Variants in P2RY14 observed in about 807,000 individuals in gnomAD.
The protein encoded by P2RY14 is P2Y purinoceptor 14.
Under a neutral mutation model 0.9 loss-of-function variants are expected in P2RY14, and 2 were observed. The ratio of observed to expected loss-of-function variants is 2.16; its 90% CI spans 0.88 to 6.79. P2RY14 has a LOEUF of 6.79. P2RY14 is among the 30% of genes most tolerant of loss of function. The pLI, the probability that P2RY14 is intolerant of heterozygous loss-of-function variation, is 0.05. For synonymous variants in P2RY14, 158 were observed against 147.2 expected, an observed-to-expected ratio of 1.07 and a Z score of -0.53; for missense variants, 378 against 400.1, an observed-to-expected ratio of 0.94 and a Z score of 0.47.
intron 1 of P2RY14, among the ~76,000 whole-genome samples, chr3:151,227,416 TA>T (rs1298081606): frequency 6.6e-6 from 1 of 151,584 alleles, no homozygotes; most frequent in African/African-American, 2.4e-5. Context: ...GTGAGAATGG[TA>T]AGGGGGGACG....
At chr3:151,249,825 T>G (rs947226389) in intron 1 of P2RY14, among the ~76,000 whole-genome samples, 1 of 152,190 alleles carries the variant, frequency 6.6e-6, no homozygotes, top group African/African-American at 2.4e-5. Flanking sequence ...ATGCTCTGGA[T>G]TAATACAGTC....
chr3:151,249,835 CAT>C (rs1307949758), intron 1 of P2RY14, among the ~76,000 whole-genome samples: 2 of 152,116 alleles, frequency 1.3e-5, no homozygotes, highest in South Asian at 4.1e-4. Flanking sequence ...TTAATACAGT[CAT>C]AATACATCTT....
At chr3:151,219,329 A>G (rs1728865043) in intron 2 of P2RY14, among the ~76,000 whole-genome samples, 2 of 152,228 alleles carry the variant, frequency 1.3e-5, no homozygotes, top group African/African-American at 2.4e-5. Flanking sequence ...CGTTCATCTT[A>G]ATAAAAGCAG....
At chr3:151,270,056 G>A in intron 1 of P2RY14, 1 of 225,730 alleles carries the variant, frequency 4.4e-6, no homozygotes, top group Non-Finnish European at 8.7e-6. Context: ...ATAAAGAAAG[G>A]GGATAAGGAT....
intron 1 of P2RY14, among the ~76,000 whole-genome samples, chr3:151,221,814 C>T (rs555146119): frequency 6.6e-6 from 1 of 152,218 alleles, no homozygotes; most frequent in African/African-American, 2.4e-5. Context: ...GGAGCCCCCA[C>T]ACAGAGTGCC....
At chr3:151,233,409 C>T (rs981933604) in intron 1 of P2RY14, among the ~76,000 whole-genome samples, 3 of 152,178 alleles carry the variant, frequency 2.0e-5, no homozygotes, top group African/African-American at 4.8e-5. Flanking sequence ...GAAAAGACTA[C>T]ATGTAGTATA....
chr3:151,218,490 G>A (rs1728665714), intron 2 of P2RY14, among the ~76,000 whole-genome samples: 1 of 152,162 alleles, frequency 6.6e-6, no homozygotes, highest in Admixed American at 6.5e-5. Flanking sequence ...TGTTAACCTT[G>A]AGGCTTTAGG....
chr3:151,265,427 A>G (rs1453930161), intron 1 of P2RY14, among the ~76,000 whole-genome samples: 1 of 152,182 alleles, frequency 6.6e-6, no homozygotes, highest in African/African-American at 2.4e-5. Context: ...GAGTATCATT[A>G]TCTTCTGCTT....
chr3:151,219,138 A>G (rs958611313), intron 2 of P2RY14, among the ~76,000 whole-genome samples: 8 of 152,202 alleles, frequency 5.3e-5, no homozygotes, highest in Non-Finnish European at 1.2e-4. Flanking sequence ...TGTCAATGCC[A>G]AAGATTCAAT....
At chr3:151,240,239 C>T (rs1002198717) in intron 1 of P2RY14, among the ~76,000 whole-genome samples, 8 of 152,158 alleles carry the variant, frequency 5.3e-5, no homozygotes, top group Admixed American at 2.6e-4. Flanking sequence ...TGTACTGACA[C>T]GACGCCCAGT....
intron 1 of P2RY14, among the ~76,000 whole-genome samples, chr3:151,247,962 C>CCTT (rs1553757684): frequency 1.3e-5 from 1 of 75,902 alleles, no homozygotes; most frequent in African/African-American, 5.3e-5. Flanking sequence ...TCTTCTTCTT[C>CCTT]TTTTTTTTTT....
intron 1 of P2RY14, among the ~76,000 whole-genome samples, chr3:151,263,537 A>G (rs1577167833): frequency 6.6e-6 from 1 of 152,224 alleles, no homozygotes; most frequent in African/African-American, 2.4e-5. Flanking sequence ...ACTTTCCAAA[A>G]TATCATGAGC....
At chr3:151,240,425 T>C (rs558642503) in intron 1 of P2RY14, among the ~76,000 whole-genome samples, 1 of 152,358 alleles carries the variant, frequency 6.6e-6, no homozygotes, top group African/African-American at 2.4e-5. Context: ...CCATTTTAAT[T>C]GAATAGCTGC....
chr3:151,213,419 G>A lies in P2RY14; in HGVS notation c.898C>T (p.Gln300Ter). Residue 300 changes from glutamine (Q) to a stop codon, truncating the protein, a stop_gained, in exon 3 of 3, where the codon CAG (glutamine) becomes TAG (stop). Coordinates refer to ENST00000309170, the MANE Select transcript of P2RY14 (RefSeq NM_014879.4). LOFTEE classifies it high-confidence loss of function. ...TTACATAAGATTTCCCTAAACGGCT[G>A]GCATAGAAAGAAATAAATAATAGGG... ...LDPIIYFFLCQPFREILCKKL... is the reference protein window; with the variant it reads ...LDPIIYFFLC 2 of 1,614,080 alleles carry A rather than the reference G, an allele frequency of 1.2e-6. No individual in the cohort carries two copies. Among genetic ancestry groups the A allele is most frequent in the African/African-American group, 1.3e-5 (1 of 75,046 alleles).
In P2RY14 at chr3:151,272,586, G is replaced by A. The variant is rs77172156; in HGVS notation, c.-133+5701C>T. Among the ~76,000 whole-genome samples, 597 of 152,212 alleles carry A rather than the reference G, an allele frequency of 3.9e-3. 5 individuals carry two copies. The highest frequency in any genetic ancestry group is 0.014 in the African/African-American group (575 of 41,534). ...TTTTCAGTGTGGATATTCTTACAAA[G>A]TGCATACTCGGGAAAGGTTGTTTGT... is the stretch of plus-strand genomic sequence containing the variant. On this transcript the variant is annotated intron_variant, in intron 1 of 2. Transcript: ENST00000309170.
At chr3:151,266,321 T>C (rs953433414) in intron 1 of P2RY14, among the ~76,000 whole-genome samples, 4 of 152,174 alleles carry the variant, frequency 2.6e-5, no homozygotes, top group Admixed American at 1.3e-4. Flanking sequence ...ATTTGTGAAA[T>C]ATTTGAACCC....
chr3:151,264,877 G>C (rs1329990538), intron 1 of P2RY14, among the ~76,000 whole-genome samples: 1 of 152,152 alleles, frequency 6.6e-6, no homozygotes, highest in East Asian at 1.9e-4. Context: ...TTCTCTGACT[G>C]TACCTCCTGT....
intron 1 of P2RY14, among the ~76,000 whole-genome samples, chr3:151,223,862 C>T (rs1273120951): frequency 6.6e-6 from 1 of 152,154 alleles, no homozygotes. Context: ...AAGAACATTG[C>T]CTACTCCTGG....
At chr3:151,263,668 A>G (rs1359627572) in intron 1 of P2RY14, among the ~76,000 whole-genome samples, 1 of 152,230 alleles carries the variant, frequency 6.6e-6, no homozygotes, top group African/African-American at 2.4e-5. Context: ...TTAATTTAAC[A>G]TGTTCAGTGA....
Sources: allele counts gnomAD v4.1 joint callset (sites outside exome capture counted in the v4.1 genomes callset), GRCh38; gene constraint gnomAD v4.1.1; transcripts MANE v1.5; gene names NCBI Gene and HGNC (gene_info 2026-07-23, HGNC 2026-07-21).